Variants in SSH2 observed in about 807,000 individuals in gnomAD.
SSH2 encodes protein phosphatase Slingshot homolog 2.
A neutral mutation model predicts 135.2 loss-of-function variants in SSH2; 37 were observed. That is an observed-to-expected ratio of 0.27 (90% CI 0.21 to 0.36). The LOEUF (loss-of-function observed/expected upper bound fraction) is 0.36. Among genes scored for constraint, SSH2 ranks in the 10% least tolerant of loss-of-function variants. The pLI, the probability that SSH2 is intolerant of heterozygous loss-of-function variation, is 1.00. For missense variants in SSH2, 1,408 were observed against 1,765.3 expected (o/e 0.80, Z 3.63); for synonymous variants, 628 against 646.2 (o/e 0.97, Z 0.43).
chr17:29,852,498 A>C, intron 1 of SSH2, among the ~76,000 whole-genome samples: 1 of 151,828 alleles, frequency 6.6e-6, no homozygotes, highest in East Asian at 1.9e-4. Flanking sequence ...TGAGAAACCT[A>C]AAGGAAGACA....
chr17:29,756,555 C>T (rs1277002941), intron 3 of SSH2, among the ~76,000 whole-genome samples: 1 of 147,290 alleles, frequency 6.8e-6, no homozygotes, highest in Non-Finnish European at 1.5e-5. Context: ...TGGTCTCAAA[C>T]TCCTGTCCTC....
At chr17:29,906,883 G>A (rs1407472326) in intron 1 of SSH2, among the ~76,000 whole-genome samples, 1 of 152,178 alleles carries the variant, frequency 6.6e-6, no homozygotes, top group Admixed American at 6.5e-5. Context: ...TGAAGTTGTG[G>A]AGAAAAAGGA....
intron 3 of SSH2, among the ~76,000 whole-genome samples, chr17:29,712,974 C>T (rs542978247): frequency 1.3e-5 from 2 of 152,302 alleles, no homozygotes; most frequent in African/African-American, 4.8e-5. Flanking sequence ...ACCCTTTATT[C>T]TGTGTTCGAT....
intron 1 of SSH2, among the ~76,000 whole-genome samples, chr17:29,868,754 A>C (rs2065895692): frequency 6.6e-6 from 1 of 151,278 alleles, no homozygotes; most frequent in Admixed American, 6.6e-5. Flanking sequence ...AAAAAAAAAA[A>C]CTCAGTTCCC....
At chr17:29,708,898 GA>G (rs1396493635) in intron 3 of SSH2, among the ~76,000 whole-genome samples, 1 of 150,442 alleles carries the variant, frequency 6.6e-6, no homozygotes, top group Non-Finnish European at 1.5e-5. Context: ...TCCTGACAGT[GA>G]AGTTCTCCAG....
At chr17:29,766,362 G>A (rs1334386597) in intron 3 of SSH2, among the ~76,000 whole-genome samples, 7 of 151,774 alleles carry the variant, frequency 4.6e-5, no homozygotes, top group African/African-American at 1.7e-4. Context: ...GGAGGCTGAG[G>A]CAGGAGAATC....
chr17:29,731,731 CAGA>C (rs1488430294), intron 3 of SSH2, among the ~76,000 whole-genome samples: 1 of 152,152 alleles, frequency 6.6e-6, no homozygotes, highest in African/African-American at 2.4e-5. Context: ...GCTGAGATTA[CAGA>C]AGAAGTAATT....
intron 1 of SSH2, among the ~76,000 whole-genome samples, chr17:29,881,599 T>G (rs942279398): frequency 6.6e-6 from 1 of 152,080 alleles, no homozygotes; most frequent in African/African-American, 2.4e-5. Context: ...CCTCCCACGT[T>G]CAAGCAATTC....
At chr17:29,714,977 C>T (rs1332098181) in intron 3 of SSH2, among the ~76,000 whole-genome samples, 1 of 152,070 alleles carries the variant, frequency 6.6e-6, no homozygotes, top group Non-Finnish European at 1.5e-5. Flanking sequence ...AGCAATTCTC[C>T]TGCCTCAGCC....
intron 1 of SSH2, among the ~76,000 whole-genome samples, chr17:29,913,240 C>G (rs1230096707): frequency 2.9e-5 from 4 of 138,122 alleles, no homozygotes; most frequent in African/African-American, 1.1e-4. Context: ...ATCGCTTGAA[C>G]CTGGGAGGTG....
At chr17:29,738,434 T>C (rs1163580528) in intron 3 of SSH2, among the ~76,000 whole-genome samples, 1 of 152,214 alleles carries the variant, frequency 6.6e-6, no homozygotes, top group African/African-American at 2.4e-5. Flanking sequence ...ATCCTTTGGG[T>C]ATATACCCAG....
intron 5 of SSH2, among the ~76,000 whole-genome samples, chr17:29,692,162 A>AT (rs1324502093): frequency 2.6e-4 from 26 of 100,666 alleles, no homozygotes; most frequent in African/African-American, 1.1e-3. Context: ...AAATAAATAA[A>AT]AAATAAAAAA....
At chr17:29,741,356 T>C (rs1292815195) in intron 3 of SSH2, among the ~76,000 whole-genome samples, 1 of 152,210 alleles carries the variant, frequency 6.6e-6, no homozygotes, top group Non-Finnish European at 1.5e-5. Context: ...CCTTAGGATA[T>C]GTCTTTTAGG....
chr17:29,832,031 C>T (rs550920384), intron 2 of SSH2, among the ~76,000 whole-genome samples: 5 of 152,054 alleles, frequency 3.3e-5, no homozygotes, highest in Non-Finnish European at 7.3e-5. Context: ...CTTCTTGTGC[C>T]GCAACTGTAC....
At chr17:29,749,883 C>T (rs552389210) in intron 3 of SSH2, among the ~76,000 whole-genome samples, 11 of 151,972 alleles carry the variant, frequency 7.2e-5, no homozygotes, top group South Asian at 6.3e-4. Context: ...CCCGCCACCA[C>T]GCCCGATTAA....
intron 8 of SSH2, among the ~76,000 whole-genome samples, chr17:29,674,364 G>C (rs550445169): frequency 2.0e-4 from 30 of 152,302 alleles, no homozygotes; most frequent in Admixed American, 5.9e-4. Context: ...TCAAAGGTAA[G>C]AGCCAGCTTA....
At chr17:29,758,387 T>G (rs1413537533) in intron 3 of SSH2, among the ~76,000 whole-genome samples, 1 of 152,220 alleles carries the variant, frequency 6.6e-6, no homozygotes, top group African/African-American at 2.4e-5. Context: ...AGCCTCAGTT[T>G]CATTATCTGT....
intron 2 of SSH2, among the ~76,000 whole-genome samples, chr17:29,799,035 C>T (rs2042206191): frequency 6.6e-6 from 1 of 152,130 alleles, no homozygotes; most frequent in Non-Finnish European, 1.5e-5. Flanking sequence ...GGCTTAAAAA[C>T]TGTGTTATAC....
chr17:29,659,309 T>C (rs1039868801), intron 11 of SSH2, among the ~76,000 whole-genome samples: 2 of 152,194 alleles, frequency 1.3e-5, no homozygotes, highest in African/African-American at 4.8e-5. Context: ...GAAACAATTC[T>C]GTGGTCCCAC....
Sources: allele counts gnomAD v4.1 joint callset (sites outside exome capture counted in the v4.1 genomes callset), GRCh38; gene constraint gnomAD v4.1.1; transcripts MANE v1.5; gene names NCBI Gene and HGNC (gene_info 2026-07-23, HGNC 2026-07-21).